The following ALPK2 variants were observed in gnomAD, a reference collection of about 807,000 sequenced individuals.
ALPK2 encodes alpha-protein kinase 2.
ALPK2 carries 127 observed loss-of-function variants against 163.1 expected under a neutral mutation model. The ratio of observed to expected loss-of-function variants is 0.78; its 90% confidence interval spans 0.67 to 0.90. ALPK2 has a LOEUF of 0.90. Ranked by LOEUF, ALPK2 falls within the 40% of genes least tolerant of loss-of-function variation. The probability of loss-of-function intolerance (pLI) is 0.00; values close to 1 mark genes in which losing one functional copy is unlikely to be tolerated. For synonymous variants in ALPK2, 953 were observed against 959.1 expected, an observed-to-expected ratio of 0.99 and a Z score of 0.12; for missense variants, 2,360 against 2,589.6, an observed-to-expected ratio of 0.91 and a Z score of 1.92.
Position 58,535,903 on chromosome 18 carries a change from C to CTGTGG in ALPK2, c.4279_4283dup (p.Gln1428HisfsTer37). The CTGTGG allele has an allele frequency of 6.2e-7, 1 of 1,614,196 alleles. No individual in the cohort carries two copies. The highest frequency in any genetic ancestry group is 1.3e-5 in the African/African-American group (1 of 75,056). On this transcript the variant is annotated frameshift_variant, in exon 5 of 13. Transcript: ENST00000361673. ...TTGATTGACCCCCTTCTCTGGCGCC[C>CTGTGG]TGTGGTGTGGTTTCAGAGGGCTCTG...
At chr18:58,487,878 A>G (rs1486460051) in intron 12 of ALPK2, among the ~76,000 whole-genome samples, 7 of 44,738 alleles carry the variant, frequency 1.6e-4, no homozygotes, top group Non-Finnish European at 2.8e-4. Flanking sequence ...ACAAAAACAA[A>G]AAATATGAAT....
intron 3 of ALPK2, among the ~76,000 whole-genome samples, chr18:58,592,655 A>ATG (rs2052020218): frequency 6.6e-6 from 1 of 152,126 alleles, no homozygotes; most frequent in South Asian, 2.1e-4. Flanking sequence ...CAGGGGCACT[A>ATG]TGTGTGTGTG....
intron 3 of ALPK2, 80 bp downstream of exon 3, chr18:58,607,242 T>C: frequency 3.1e-6 from 3 of 965,184 alleles, no homozygotes; most frequent in Middle Eastern, 2.2e-4. Flanking sequence ...AGCCAATCTT[T>C]TGGCCTTACC....
chr18:58,559,913 A>G (rs758197882), intron 4 of ALPK2, among the ~76,000 whole-genome samples: 5 of 152,198 alleles, frequency 3.3e-5, no homozygotes, highest in Non-Finnish European at 7.3e-5. Flanking sequence ...GTAACAAATG[A>G]CCACAAATTT....
intron 4 of ALPK2, among the ~76,000 whole-genome samples, chr18:58,542,052 G>C (rs1446167633): frequency 2.0e-5 from 3 of 152,226 alleles, no homozygotes; most frequent in Non-Finnish European, 4.4e-5. Flanking sequence ...ATTTCCTTAT[G>C]TAGGGAAATT....
intron 4 of ALPK2, among the ~76,000 whole-genome samples, chr18:58,552,916 A>G (rs1223460568): frequency 6.6e-6 from 1 of 152,206 alleles, no homozygotes; most frequent in Non-Finnish European, 1.5e-5. Flanking sequence ...GTAGGTTTTT[A>G]CAAATATAAT....
At chr18:58,623,455 C>T (rs75790655) in intron 1 of ALPK2, among the ~76,000 whole-genome samples, 3,778 of 152,088 alleles carry the variant, frequency 0.025, 145 homozygotes, top group African/African-American at 0.086. Context: ...CTGCAGCCAA[C>T]GGTTCATTCC....
At chr18:58,578,733 G>GACACACACAC (rs71173065) in intron 4 of ALPK2, 81 bp downstream of exon 4, 23,124 of 529,064 alleles carry the variant, frequency 0.044, 681 homozygotes, top group East Asian at 0.08. Flanking sequence ...TAAAGGAAGA[G>GACACACACAC]ACACACACAC....
chr18:58,613,490 C>G (rs1435197728), intron 1 of ALPK2, among the ~76,000 whole-genome samples: 2 of 151,984 alleles, frequency 1.3e-5, no homozygotes, highest in Non-Finnish European at 2.9e-5. Context: ...GTCAGGAGTT[C>G]AAGACCATCC....
chr18:58,565,513 A>G (rs968720925), intron 4 of ALPK2, among the ~76,000 whole-genome samples: 9 of 152,172 alleles, frequency 5.9e-5, no homozygotes, highest in African/African-American at 2.2e-4. Flanking sequence ...TTGACCATTT[A>G]TCTCTTCCAT....
At chr18:58,621,592 AAAG>A (rs141536844) in intron 1 of ALPK2, among the ~76,000 whole-genome samples, 21,268 of 152,026 alleles carry the variant, frequency 0.14, 1,859 homozygotes, top group Non-Finnish European at 0.2. Context: ...TTCTATGGGC[AAAG>A]AAGAAGGAGG....
intron 12 of ALPK2, among the ~76,000 whole-genome samples, chr18:58,486,964 G>A (rs1437389586): frequency 6.6e-6 from 1 of 152,190 alleles, no homozygotes; most frequent in Non-Finnish European, 1.5e-5. Flanking sequence ...CACCTTACAT[G>A]CGACATGTGC....
chr18:58,568,137 T>C (rs1251286168), intron 4 of ALPK2, among the ~76,000 whole-genome samples: 1 of 152,216 alleles, frequency 6.6e-6, no homozygotes, highest in Non-Finnish European at 1.5e-5. Flanking sequence ...CTAAGTGACC[T>C]CTTGGGGATG....
At chr18:58,594,099 G>A (rs976346266) in intron 3 of ALPK2, among the ~76,000 whole-genome samples, 6 of 151,868 alleles carry the variant, frequency 4.0e-5, no homozygotes, top group South Asian at 2.1e-4. Context: ...GTACAATAGC[G>A]AACACGTCAG....
At chr18:58,524,245 T>C (rs1458576436) in intron 6 of ALPK2, among the ~76,000 whole-genome samples, 183 bp from the exon 7 acceptor site, 1 of 152,224 alleles carries the variant, frequency 6.6e-6, no homozygotes, top group East Asian at 1.9e-4. Flanking sequence ...AGGAGAGTCA[T>C]TACATTTTGG....
chr18:58,531,805 G>C (rs2051616467), intron 5 of ALPK2, among the ~76,000 whole-genome samples: 1 of 151,670 alleles, frequency 6.6e-6, no homozygotes, highest in Non-Finnish European at 1.5e-5. Context: ...GGGCATGGTG[G>C]TGCACACCTA....
Position 58,535,052 on chromosome 18 carries a change from T to C in ALPK2, c.5135A>G (p.Lys1712Arg), listed in dbSNP as rs139735253. The C allele has an allele frequency of 3.7e-6, 6 of 1,614,062 alleles. No individual in the cohort carries two copies. In the African/African-American group the frequency reaches 6.7e-5, roughly 18 times the overall value. ...LTAVTGSEEVKRKPEAPGSGH... is the reference protein window; with the variant it reads ...LTAVTGSEEVRRKPEAPGSGH... ...ACTGCCTGGGGCTTCTGGCTTCCTC[T>C]TGACCTCCTCTGACCCCGTCACTGC... The change falls in exon 5 of 13, where the codon AAG (lysine) becomes AGG (arginine). Residue 1712 changes from lysine (K) to arginine (R), a missense_variant. Lys to Arg is a conservative substitution (Grantham distance 26). Transcript: ENST00000361673.
chr18:58,533,859 G>T (rs2051629037), intron 5 of ALPK2, among the ~76,000 whole-genome samples: 1 of 152,280 alleles, frequency 6.6e-6, no homozygotes, highest in Non-Finnish European at 1.5e-5. Flanking sequence ...TGCAACAGGG[G>T]TTAGGACCCA....
intron 8 of ALPK2, among the ~76,000 whole-genome samples, chr18:58,518,570 A>G (rs2051534214): frequency 6.6e-6 from 1 of 152,250 alleles, no homozygotes; most frequent in South Asian, 2.1e-4. Flanking sequence ...GAGGCAAGAA[A>G]GCTCTCTGCC....
Sources: gnomAD v4.1 joint callset for allele counts (sites outside exome capture counted in the v4.1 genomes callset) on GRCh38, gnomAD v4.1.1 for gene constraint, MANE v1.5 for transcripts, NCBI Gene and HGNC (gene_info 2026-07-23, HGNC 2026-07-21) for gene names.